The following CSMD1 variants were observed in gnomAD, a reference collection of about 807,000 sequenced individuals.
CSMD1 encodes CUB and Sushi multiple domains 1, also known as CUB and sushi domain-containing protein 1.
CSMD1 carries 213 observed loss-of-function variants against 417.5 expected under a neutral mutation model. The observed-to-expected ratio is 0.51, with a 90% confidence interval of 0.46 to 0.57. The LOEUF is 0.57. CSMD1 is among the 20% of genes least tolerant of loss of function. CSMD1 has a pLI of 0.00. For synonymous variants in CSMD1, 2,862 were observed against 1,736.8 expected (o/e 1.65, Z -16.11); for missense variants, 6,923 against 4,529.7 (o/e 1.53, Z -15.17).
intron 12 of CSMD1, among the ~76,000 whole-genome samples, chr8:3,436,493 T>A (rs1247934630): frequency 6.6e-6 from 1 of 152,338 alleles, no homozygotes. Context: ...TGAATATGCA[T>A]AAAATTAATT....
chr8:4,518,969 AAG>A (rs1803278260), intron 2 of CSMD1, among the ~76,000 whole-genome samples: 1 of 152,058 alleles, frequency 6.6e-6, no homozygotes, highest in East Asian at 1.9e-4. Flanking sequence ...TTTAATTGCA[AAG>A]AGACTCCCCA....
At chr8:4,467,484 G>T (rs532454812) in intron 2 of CSMD1, among the ~76,000 whole-genome samples, 1 of 152,298 alleles carries the variant, frequency 6.6e-6, no homozygotes, top group African/African-American at 2.4e-5. Flanking sequence ...ACCCATGAGT[G>T]GCCAGAGGAT....
intron 3 of CSMD1, among the ~76,000 whole-genome samples, chr8:4,319,971 G>T (rs34470235): frequency 0.14 from 21,475 of 152,076 alleles, 1,842 homozygotes; most frequent in Middle Eastern, 0.19. Context: ...TTTACAGGCA[G>T]AGTGGAAAAA....
chr8:3,488,622 C>G (rs1818191319), intron 11 of CSMD1, among the ~76,000 whole-genome samples: 1 of 152,172 alleles, frequency 6.6e-6, no homozygotes, highest in African/African-American at 2.4e-5. Flanking sequence ...GGCTTATTCT[C>G]TCTCTGCCTC....
intron 3 of CSMD1, among the ~76,000 whole-genome samples, chr8:4,117,718 T>A (rs1272055317): frequency 6.6e-6 from 1 of 152,126 alleles, no homozygotes; most frequent in East Asian, 1.9e-4. Flanking sequence ...CTTCATCACA[T>A]AGCTTTTAGA....
At chr8:4,977,572 G>A (rs776748130) in intron 1 of CSMD1, among the ~76,000 whole-genome samples, 3 of 152,180 alleles carry the variant, frequency 2.0e-5, no homozygotes, top group African/African-American at 2.4e-5. Flanking sequence ...GCTCCAGCCC[G>A]CCTTTGGGTG....
intron 3 of CSMD1, among the ~76,000 whole-genome samples, chr8:4,127,356 T>G (rs529794573): frequency 2.0e-5 from 3 of 150,800 alleles, no homozygotes; most frequent in African/African-American, 7.3e-5. Flanking sequence ...CCTTCCTTCT[T>G]TATCCTTCAG....
At chr8:3,711,049 C>T (rs1185765343) in intron 6 of CSMD1, among the ~76,000 whole-genome samples, 1 of 152,110 alleles carries the variant, frequency 6.6e-6, no homozygotes, top group Admixed American at 6.5e-5. Context: ...GTCTAAACTG[C>T]CAAGTCTGAG....
chr8:3,663,355 G>C (rs1433759465), intron 7 of CSMD1, among the ~76,000 whole-genome samples: 1 of 152,100 alleles, frequency 6.6e-6, no homozygotes, highest in Admixed American at 6.6e-5. Flanking sequence ...AACATGGCAA[G>C]TTTGACTTTA....
intron 5 of CSMD1, among the ~76,000 whole-genome samples, chr8:3,907,506 A>G (rs575986669): frequency 1.2e-4 from 19 of 152,320 alleles, no homozygotes; most frequent in Non-Finnish European, 2.8e-4. Flanking sequence ...ATTAAGTATC[A>G]TCTCACAGAA....
chr8:3,965,573 GC>G (rs1812627956), intron 5 of CSMD1, among the ~76,000 whole-genome samples: 1 of 151,846 alleles, frequency 6.6e-6, no homozygotes, highest in Admixed American at 6.6e-5. Context: ...TCAATTCCAG[GC>G]CTTAGTGTTA....
intron 1 of CSMD1, among the ~76,000 whole-genome samples, chr8:4,764,717 C>T (rs538454156): frequency 6.0e-5 from 9 of 148,898 alleles, no homozygotes; most frequent in East Asian, 2.0e-4. Context: ...ACTAAAAATA[C>T]GAAAAATTAG....
chr8:4,879,614 G>C (rs1803269097), intron 1 of CSMD1, among the ~76,000 whole-genome samples: 1 of 151,924 alleles, frequency 6.6e-6, no homozygotes. Flanking sequence ...TGTAGTTACA[G>C]AATCAACAAC....
rs1800113423 is a variant in CSMD1 at position 4,081,226 on chromosome 8, G to A, written c.416-49127C>T. Reference sequence around the variant, plus strand: ...TCTGTGGCGTTTTGTTATGCAGCAGGAACAGTCTCAGACAAGCATTGTGGT... The same window carrying A: ...TCTGTGGCGTTTTGTTATGCAGCAGAAACAGTCTCAGACAAGCATTGTGGT... On this transcript the variant is annotated intron_variant, in intron 3 of 69. Coordinates refer to ENST00000635120, the MANE Select transcript of CSMD1 (RefSeq NM_033225.6). 1.3e-5 allele frequency among the ~76,000 whole-genome samples: 2 copies of A among 152,232 alleles called. 1 individual carries two copies. Among genetic ancestry groups the A allele is most frequent in the South Asian group, 4.1e-4 (2 of 4,826 alleles).
chr8:4,085,140 G>A (rs892331446), intron 3 of CSMD1, among the ~76,000 whole-genome samples: 12 of 152,248 alleles, frequency 7.9e-5, no homozygotes, highest in South Asian at 2.1e-4. Context: ...AGATGTCACC[G>A]GCCTTGAAGG....
At chr8:4,033,023 G>T (rs1797430293) in intron 3 of CSMD1, among the ~76,000 whole-genome samples, 1 of 143,858 alleles carries the variant, frequency 7.0e-6, no homozygotes, top group South Asian at 2.3e-4. Flanking sequence ...TTGTATGCAT[G>T]ATAAAAACAT....
intron 1 of CSMD1, among the ~76,000 whole-genome samples, chr8:4,818,550 G>GAC (rs1050866938): frequency 6.6e-6 from 1 of 152,106 alleles, no homozygotes; most frequent in Non-Finnish European, 1.5e-5. Flanking sequence ...TGAATCCAGA[G>GAC]ACACACACAC....
rs540699804 is a variant in CSMD1, at chr8:3,187,831, T to G, written c.5620+38A>C. 4.0e-6 allele frequency: 6 copies of G among 1,501,540 alleles called. No individual in the cohort carries two copies. The Admixed American group carries it at 5.2e-5, about 13-fold the overall frequency. 93.0% of individuals were successfully genotyped at this position (1,501,540 alleles called of 1,614,324 possible). A position where few individuals can be genotyped will look rare whatever the true frequency, so the allele number is the denominator to read the frequency against. The stretch of plus-strand genomic sequence containing the variant: ...TGTTGTTTTCTTGGTGTTTGCAGAT[T>G]TTGAGTCACACAGGTGAGGAAATTG... On this transcript the variant is annotated intron_variant, in intron 36 of 69. Coordinates refer to ENST00000635120, the MANE Select transcript of CSMD1 (RefSeq NM_033225.6).
At chr8:3,268,402 C>A (rs13254027) in intron 26 of CSMD1, among the ~76,000 whole-genome samples, 25,078 of 149,910 alleles carry the variant, frequency 0.17, 2,730 homozygotes, top group East Asian at 0.3. Flanking sequence ...CATTCTCCTG[C>A]CTCAACCTCC....
Sources: gnomAD v4.1 joint callset for allele counts (sites outside exome capture counted in the v4.1 genomes callset) on GRCh38, gnomAD v4.1.1 for gene constraint, MANE v1.5 for transcripts, NCBI Gene and HGNC (gene_info 2026-07-23, HGNC 2026-07-21) for gene names.